LRRK2: variants seen among roughly 807,000 people sequenced by gnomAD.
The protein encoded by LRRK2 is leucine-rich repeat serine/threonine-protein kinase 2.
A neutral mutation model predicts 302.6 loss-of-function variants in LRRK2; 203 were observed. The ratio of observed to expected loss-of-function variants is 0.67; its 90% CI spans 0.60 to 0.75. LRRK2 has a LOEUF of 0.75. LRRK2 is among the 30% of genes least tolerant of loss of function. LRRK2 has a pLI of 0.00. For missense variants in LRRK2, 2,830 were observed against 2,951.0 expected, an observed-to-expected ratio of 0.96 and a Z score of 0.95; for synonymous variants, 1,066 against 1,031.9, an observed-to-expected ratio of 1.03 and a Z score of -0.63.
intron 42 of LRRK2, 96 bp downstream of exon 42, chr12:40,347,019 G>C (rs1592319879): frequency 1.1e-6 from 1 of 945,642 alleles, no homozygotes; most frequent in East Asian, 2.7e-5. Flanking sequence ...TCCTTAAACA[G>C]ATGATCATTT....
chr12:40,288,811 A>T (rs760397751), intron 20 of LRRK2, among the ~76,000 whole-genome samples: 5 of 151,910 alleles, frequency 3.3e-5, no homozygotes, highest in Non-Finnish European at 7.4e-5. Flanking sequence ...TCTAGATAGA[A>T]GTTGTGACAG....
chr12:40,259,693 A>T, intron 13 of LRRK2, 89 bp downstream of exon 13: 2 of 1,504,362 alleles, frequency 1.3e-6, no homozygotes. Context: ...GGCAAATATT[A>T]AAAGACTAGT....
At chr12:40,351,818 C>T (rs1442291891) in intron 44 of LRRK2, 85 bp downstream of exon 44, 12 of 1,295,634 alleles carry the variant, frequency 9.3e-6, no homozygotes, top group Non-Finnish European at 1.2e-5. Context: ...AAATAAGAGC[C>T]AATGTAGGAT....
chr12:40,292,781 C>A (rs1025262013), intron 20 of LRRK2, among the ~76,000 whole-genome samples: 2 of 151,762 alleles, frequency 1.3e-5, no homozygotes, highest in African/African-American at 4.8e-5. Flanking sequence ...ATTAATTTTT[C>A]ACAAATGCAT....
At chr12:40,353,588 C>T (rs561484098) in intron 44 of LRRK2, among the ~76,000 whole-genome samples, 23 of 152,006 alleles carry the variant, frequency 1.5e-4, no homozygotes, top group Non-Finnish European at 2.5e-4. Flanking sequence ...GGGTGGCGGC[C>T]GGGCAGAGGC....
chr12:40,330,891 A>C (rs1945694319), intron 39 of LRRK2, among the ~76,000 whole-genome samples: 1 of 152,136 alleles, frequency 6.6e-6, no homozygotes. Context: ...GAATTGCATC[A>C]TCTATTATTT....
chr12:40,247,228 A>G (rs1004685995), intron 7 of LRRK2, among the ~76,000 whole-genome samples: 1 of 152,034 alleles, frequency 6.6e-6, no homozygotes, highest in Non-Finnish European at 1.5e-5. Context: ...GAAATTTCCT[A>G]GTTTCAGTTA....
intron 19 of LRRK2, among the ~76,000 whole-genome samples, chr12:40,286,974 A>G (rs1943948366): frequency 6.6e-6 from 1 of 152,010 alleles, no homozygotes; most frequent in African/African-American, 2.4e-5. Flanking sequence ...CATATACTGT[A>G]TTTATTATCA....
chr12:40,241,033 A>G (rs897637798), intron 6 of LRRK2, among the ~76,000 whole-genome samples: 3 of 152,230 alleles, frequency 2.0e-5, no homozygotes, highest in Admixed American at 1.3e-4. Context: ...GTGAGAATGC[A>G]GGCAAAGTGG....
rs1946777602 is a variant in LRRK2 at position 40,363,437 on chromosome 12, T to C, written c.7064T>C (p.Ile2355Thr). The C allele has an allele frequency of 6.2e-7, 1 of 1,611,874 alleles. No homozygotes were observed. Among genetic ancestry groups the C allele is most frequent in the Non-Finnish European group, 8.5e-7 (1 of 1,178,662 alleles). Residue 2355 changes from isoleucine (I) to threonine (T), a missense_variant, in exon 48 of 51, where the codon ATA (isoleucine) becomes ACA (threonine). Physicochemically the swap from Ile to Thr is moderately conservative, Grantham distance 89 (BLOSUM62 -1). This residue lies in a region of LRRK2 where 456 missense variants were observed against 456.3 expected (regional missense o/e 1.00). Transcript: ENST00000298910. ...GCAGCTTTCAGTGATTCCAACATCA[T>C]AACAGTGGTGGTAGACACTGCTCTC... Reference protein sequence around the residue: ...SYAAFSDSNIITVVVDTALYI... With the variant: ...SYAAFSDSNITTVVVDTALYI...
At chr12:40,353,542 G>A (rs1255170523) in intron 44 of LRRK2, among the ~76,000 whole-genome samples, 1 of 151,562 alleles carries the variant, frequency 6.6e-6, no homozygotes, top group South Asian at 2.1e-4. Flanking sequence ...CCAGACGATG[G>A]GCGGCCAGGC....
In LRRK2 at chr12:40,300,662, G is replaced by GA. The variant is rs1944589529; in HGVS notation, c.3496+1406dup. Among the ~76,000 whole-genome samples the GA allele has an allele frequency of 2.6e-5, 4 of 152,150 alleles. No homozygotes were observed. In the South Asian group the frequency reaches 8.3e-4, roughly 32 times the overall value. ...TTCCAACCATGATCTTGAAACTGGG[G>GA]ATAGAGTTGTTGACTCACTCACTAG... On this transcript the variant is annotated intron_variant, in intron 25 of 50. Transcript: ENST00000298910.
In LRRK2 at chr12:40,328,511, T is replaced by C. The variant is rs529990435; in HGVS notation, c.5757+51T>C. ...ATTAAATTGCACATTATTAATCTAC[T>C]GGAACTCTTATTTTGCATACAGTTG... On this transcript the variant is annotated intron_variant, in intron 39 of 50. Coordinates refer to ENST00000298910, the MANE Select transcript of LRRK2 (RefSeq NM_198578.4). 4 of 1,360,682 alleles carry C rather than the reference T, an allele frequency of 2.9e-6. No individual in the cohort carries two copies. In the African/African-American group the frequency reaches 4.4e-5, roughly 15 times the overall value. The allele number at this position is 1,360,682 out of a possible 1,614,324, so 84.3% of individuals were successfully genotyped here. A position where few individuals can be genotyped will look rare whatever the true frequency, so the allele number is the denominator to read the frequency against.
chr12:40,360,297 A>G (rs1162760019), intron 47 of LRRK2, among the ~76,000 whole-genome samples: 1 of 152,108 alleles, frequency 6.6e-6, no homozygotes, highest in Non-Finnish European at 1.5e-5. Context: ...TATTATTATT[A>G]TTATTAGCTT....
chr12:40,295,519 G>A lies in LRRK2; in HGVS notation c.2971G>A (p.Ala991Thr). 6.2e-7 allele frequency: 1 copy of A among 1,613,868 alleles called. No individual in the cohort carries two copies. The highest frequency in any genetic ancestry group is 8.5e-7 in the Non-Finnish European group (1 of 1,179,952). The change falls in exon 23 of 51, where the codon GCA becomes ACA. Residue 991 changes from alanine (A) to threonine (T), a missense_variant. Physicochemically the swap from Ala to Thr is moderately conservative, Grantham distance 58 (BLOSUM62 0). Transcript: ENST00000298910. The stretch of plus-strand genomic sequence containing the variant: ...ATATATTACATCACTAGACCTTTCA[G>A]CAAATGAACTAAGAGATATTGATGC... ...REYITSLDLS[A>T]NELRDIDALS...
In LRRK2 at chr12:40,314,005, C is replaced by T; in HGVS notation, c.4570C>T (p.Pro1524Ser). Reference sequence around the variant, plus strand: ...TCAGCTTGTTGTTGGACAGCTGATTCCAGACTGCTATGTAGAACTTGAAAA... The same window carrying T: ...TCAGCTTGTTGTTGGACAGCTGATTTCAGACTGCTATGTAGAACTTGAAAA... ...RDQLVVGQLI[P>S]DCYVELEKII... The change falls in exon 32 of 51, where the codon CCA becomes TCA. Residue 1524 changes from proline to serine, a missense_variant. Transcript: ENST00000298910. 1 of 1,611,838 alleles carries T rather than the reference C, an allele frequency of 6.2e-7. No individual in the cohort carries two copies. Among genetic ancestry groups the T allele is most frequent in the Non-Finnish European group, 8.5e-7 (1 of 1,178,744 alleles).
chr12:40,337,339 T>G (rs1945901649), intron 40 of LRRK2, among the ~76,000 whole-genome samples: 1 of 152,224 alleles, frequency 6.6e-6, no homozygotes, highest in African/African-American at 2.4e-5. Context: ...ACTTCTCCAA[T>G]TCAATCCACT....
chr12:40,327,369 A>G (rs1203636202), intron 38 of LRRK2, among the ~76,000 whole-genome samples: 1 of 152,224 alleles, frequency 6.6e-6, no homozygotes, highest in African/African-American at 2.4e-5. Flanking sequence ...CAGAATTAAA[A>G]GAAGAAAAAA....
At chr12:40,328,246 T>A in intron 38 of LRRK2, 114 bp from the exon 39 acceptor site, 1 of 753,416 alleles carries the variant, frequency 1.3e-6, no homozygotes, top group East Asian at 2.7e-5. Flanking sequence ...ATGAAACAAG[T>A]AGGTCAGGTT....
Sources: allele counts gnomAD v4.1 joint callset (sites outside exome capture counted in the v4.1 genomes callset), GRCh38; gene constraint gnomAD v4.1.1; regional missense constraint gnomAD v4.1.1; transcripts MANE v1.5; gene names NCBI Gene and HGNC (gene_info 2026-07-23, HGNC 2026-07-21).